Variants in MEIS1 observed in about 807,000 individuals in gnomAD.
The protein encoded by MEIS1 is Meis homeobox 1.
Under a neutral mutation model 50.8 loss-of-function variants are expected in MEIS1, and 5 were observed. The observed-to-expected ratio is 0.10, with a 90% CI of 0.05 to 0.21. The LOEUF (loss-of-function observed/expected upper bound fraction) is 0.21, where lower values mean the gene tolerates loss of function less well. Ranked by LOEUF, MEIS1 falls within the 10% of genes least tolerant of loss-of-function variation. The pLI, the probability that MEIS1 is intolerant of heterozygous loss-of-function variation, is 1.00. For synonymous variants in MEIS1, 176 were observed against 179.3 expected (o/e 0.98, Z 0.15); for missense variants, 318 against 517.3 (o/e 0.61, Z 3.74).
At chr2:66,462,565 A>G (rs1305392235) in intron 6 of MEIS1, among the ~76,000 whole-genome samples, 1 of 152,192 alleles carries the variant, frequency 6.6e-6, no homozygotes, top group Non-Finnish European at 1.5e-5. Flanking sequence ...GTGCTGTACC[A>G]TTCTTTCTGC....
At chr2:66,469,680 C>G (rs1209866612) in intron 7 of MEIS1, among the ~76,000 whole-genome samples, 1 of 152,166 alleles carries the variant, frequency 6.6e-6, no homozygotes, top group African/African-American at 2.4e-5. Context: ...TCCCCTTGAC[C>G]TTTGCCCTTT....
chr2:66,470,459 C>G (rs953442833), intron 7 of MEIS1, among the ~76,000 whole-genome samples: 1 of 152,188 alleles, frequency 6.6e-6, no homozygotes, highest in African/African-American at 2.4e-5. Context: ...CCCAAGAACA[C>G]CCTGTAATAT....
chr2:66,516,567 C>G (rs1558546775), intron 8 of MEIS1, among the ~76,000 whole-genome samples: 1 of 146,166 alleles, frequency 6.8e-6, no homozygotes, highest in Non-Finnish European at 1.5e-5. Context: ...GCACTTCTAG[C>G]CTGGAAAATT....
intron 7 of MEIS1, among the ~76,000 whole-genome samples, chr2:66,484,082 G>A (rs1023329001): frequency 1.3e-5 from 2 of 152,156 alleles, no homozygotes; most frequent in African/African-American, 4.8e-5. Context: ...TTGAGAACTA[G>A]GTTTGTGACA....
intron 8 of MEIS1, among the ~76,000 whole-genome samples, chr2:66,541,837 C>T (rs1310996168): frequency 6.6e-6 from 1 of 152,202 alleles, no homozygotes; most frequent in Non-Finnish European, 1.5e-5. Context: ...TGTTCTGCGA[C>T]TGCACGGTGC....
At chr2:66,500,550 G>A (rs1039453742) in intron 7 of MEIS1, among the ~76,000 whole-genome samples, 77 of 152,064 alleles carry the variant, frequency 5.1e-4, no homozygotes, top group African/African-American at 1.7e-3. Context: ...TCAGCCTCCC[G>A]AGTAGCTGGG....
At chr2:66,436,724 A>G (rs925046220) in intron 1 of MEIS1, among the ~76,000 whole-genome samples, 14 of 152,240 alleles carry the variant, frequency 9.2e-5, no homozygotes, top group Non-Finnish European at 1.8e-4. Context: ...TAAGGAGATG[A>G]AAGTGGCAAT....
At chr2:66,521,389 G>C (rs1366386006) in intron 8 of MEIS1, among the ~76,000 whole-genome samples, 1 of 150,394 alleles carries the variant, frequency 6.6e-6, no homozygotes. Flanking sequence ...CACGTGGCCT[G>C]GACGCCAAAG....
chr2:66,564,757 T>C (rs1187817642), intron 9 of MEIS1, among the ~76,000 whole-genome samples: 5 of 151,768 alleles, frequency 3.3e-5, no homozygotes, highest in Non-Finnish European at 5.9e-5. Flanking sequence ...AGTTCTAGGG[T>C]ACATGTGCAC....
chr2:66,566,274 T>C (rs1489143490), intron 9 of MEIS1, among the ~76,000 whole-genome samples: 1 of 152,214 alleles, frequency 6.6e-6, no homozygotes, highest in East Asian at 1.9e-4. Context: ...TTATGAAGTA[T>C]GCATTTTTGT....
intron 6 of MEIS1, chr2:66,454,691 A>T (rs1672349141): frequency 6.6e-6 from 1 of 151,978 alleles, no homozygotes; most frequent in Non-Finnish European, 1.5e-5. Flanking sequence ...AGTTTATTTT[A>T]TCTTAATTTG....
Position 66,571,775 on chromosome 2 carries a change from T to C in MEIS1, c.*567T>C. ...AAATGCTATTATACTGTTATCCATA[T>C]TACGTTGTTTCTTATAGATTTTTTA... On this transcript the variant is annotated 3_prime_UTR_variant, in exon 13 of 13. Transcript: ENST00000272369. 1 of 474,040 alleles carries C rather than the reference T, an allele frequency of 2.1e-6. No individual in the cohort carries two copies. The highest frequency in any genetic ancestry group is 2.9e-5 in the South Asian group (1 of 34,720). The allele number at this position is 474,040 out of a possible 1,614,324, so 29.4% of individuals were successfully genotyped here.
rs1054726460 is a variant in MEIS1 at position 66,444,064 on chromosome 2, A to T, written c.630+1016A>T. Among the ~76,000 whole-genome samples the T allele has an allele frequency of 2.2e-4, 34 of 152,176 alleles. 1 individual carries two copies. The highest frequency in any genetic ancestry group is 2.2e-3 in the Admixed American group (33 of 15,280). ...AAAGGAGTTGCAAAAATGCAATGAAAGTGAAAACGTGTAGAGTGAGTGAGA... is the reference window on the plus strand; with the variant it reads ...AAAGGAGTTGCAAAAATGCAATGAATGTGAAAACGTGTAGAGTGAGTGAGA... On this transcript the variant is annotated intron_variant, in intron 6 of 12. Coordinates refer to ENST00000272369, the MANE Select transcript of MEIS1 (RefSeq NM_002398.3).
At chr2:66,475,510 A>G (rs1251536083) in intron 7 of MEIS1, among the ~76,000 whole-genome samples, 1 of 152,020 alleles carries the variant, frequency 6.6e-6, no homozygotes, top group Non-Finnish European at 1.5e-5. Flanking sequence ...TAAGGGTAGT[A>G]CCAAGCAATA....
chr2:66,508,336 G>A (rs57377681), intron 7 of MEIS1, among the ~76,000 whole-genome samples: 1,827 of 152,302 alleles, frequency 0.012, 32 homozygotes, highest in African/African-American at 0.042. Context: ...AAGAGGCACA[G>A]AACCAGGTAT....
chr2:66,435,969 T>A, intron 1 of MEIS1, 101 bp downstream of exon 1: 2 of 1,090,294 alleles, frequency 1.8e-6, no homozygotes, highest in Non-Finnish European at 2.6e-6. Flanking sequence ...CTCTCTCTTT[T>A]AAAAAATGAG....
At chr2:66,449,337 T>C (rs558593377) in intron 6 of MEIS1, among the ~76,000 whole-genome samples, 2 of 152,264 alleles carry the variant, frequency 1.3e-5, no homozygotes, top group East Asian at 3.9e-4. Context: ...CAAAATTTGA[T>C]TTTTGGCATC....
In MEIS1 at chr2:66,437,928, T is replaced by G; in HGVS notation, c.204T>G (p.Asn68Lys). 1 of 1,595,512 alleles carries G rather than the reference T, an allele frequency of 6.3e-7. No homozygotes were observed. The change falls in exon 2 of 13, where the codon AAT becomes AAG. Residue 68 changes from asparagine to lysine, a missense_variant. Physicochemically the swap from Asn to Lys is moderately conservative, Grantham distance 94 (BLOSUM62 0). This residue lies in a region of MEIS1 where 100 missense variants were observed against 107.1 expected (regional missense o/e 0.93). Coordinates refer to ENST00000272369, the MANE Select transcript of MEIS1 (RefSeq NM_002398.3). ...CCCCCAGCATGGGCTCCTCTGTCAA[T>G]GACGCTTTAAAGAGAGATAAAGATG... ...AMAPSMGSSV[N>K]DALKRDKDAI... is the part of the protein sequence containing the mutation.
chr2:66,528,566 G>A (rs1021141261), intron 8 of MEIS1, among the ~76,000 whole-genome samples: 1 of 151,916 alleles, frequency 6.6e-6, no homozygotes, highest in Non-Finnish European at 1.5e-5. Flanking sequence ...CCCTTCACAG[G>A]CAGTTGCTCA....
Sources: gnomAD v4.1 joint callset for allele counts (sites outside exome capture counted in the v4.1 genomes callset) on GRCh38, gnomAD v4.1.1 for gene constraint, gnomAD v4.1.1 regional missense constraint, MANE v1.5 for transcripts, NCBI Gene and HGNC (gene_info 2026-07-23, HGNC 2026-07-21) for gene names.